CEL: variants seen among roughly 807,000 people sequenced by gnomAD.
CEL encodes the protein bile salt-activated lipase.
CEL carries 39 observed loss-of-function variants against 57.1 expected under a neutral mutation model. The observed-to-expected ratio is 0.68, with a 90% confidence interval of 0.53 to 0.89. The LOEUF is 0.89. Ranked by LOEUF, CEL falls within the 40% of genes least tolerant of loss-of-function variation. CEL has a pLI of 0.00. For missense variants in CEL, 698 were observed against 915.0 expected, an observed-to-expected ratio of 0.76 and a Z score of 3.06; for synonymous variants, 314 against 396.6, an observed-to-expected ratio of 0.79 and a Z score of 2.48.
Position 133,066,205 on chromosome 9 carries a change from A to G in CEL, c.539-325A>G, listed in dbSNP as rs1180753558. Among the ~76,000 whole-genome samples, 1 of 152,056 alleles carries G rather than the reference A, an allele frequency of 6.6e-6. No individual in the cohort carries two copies. The highest frequency in any genetic ancestry group is 1.5e-5 in the Non-Finnish European group (1 of 67,980). Reference sequence around the variant, plus strand: ...GCAGGAGAGGTGCATGGGCCTGACCATCCTGCCCCCGACAAACACCACCCC... The same window carrying G: ...GCAGGAGAGGTGCATGGGCCTGACCGTCCTGCCCCCGACAAACACCACCCC... On this transcript the variant is annotated intron_variant, in intron 4 of 10. Transcript: ENST00000372080. This position sits in a 1 kb window ranked among gnomAD's most constrained non-coding sequence, Gnocchi z 4.3.
At position 133,064,728 on chromosome 9, in the gene CEL, C is replaced by A; in HGVS notation, c.306C>A (p.Tyr102Ter). ...CCTACGGGGATGAAGACTGCCTGTA[C>A]CTCAACATTTGGGTGCCCCAGGGCA... ...DSTYGDEDCL[Y>*]LNIWVPQGRK... The change falls in exon 3 of 11, where the codon TAC (tyrosine) becomes TAA (stop). Residue 102 changes from tyrosine (Y) to a stop codon, truncating the protein, a stop_gained. Transcript: ENST00000372080. LOFTEE classifies it high-confidence loss of function. The A allele has an allele frequency of 1.2e-6, 2 of 1,614,086 alleles. No individual in the cohort carries two copies. Among genetic ancestry groups the A allele is most frequent in the Non-Finnish European group, 1.7e-6 (2 of 1,180,018 alleles).
At position 133,066,971 on chromosome 9, in the gene CEL, C is replaced by CGGGGTGGGGGGGGG; in HGVS notation, c.777+36_777+37insGGGGGGGGTGGGGG. The CGGGGTGGGGGGGGG allele has an allele frequency of 1.6e-5, 9 of 571,428 alleles. No homozygotes were observed. The highest frequency in any genetic ancestry group is 2.1e-5 in the Non-Finnish European group (7 of 330,490). The allele number at this position is 571,428 out of a possible 1,614,324, so 35.4% of individuals were successfully genotyped here. Reference sequence around the variant, plus strand: ...GTAAACGGAGGAGGGCAGGGCTGGGCGGGGTGGGGGCTGTCCACATTTCCG... The same window carrying CGGGGTGGGGGGGGG: ...GTAAACGGAGGAGGGCAGGGCTGGGCGGGGTGGGGGGGGGGGGGTGGGGGCTGTCCACATTTCCG... On this transcript the variant is annotated intron_variant, in intron 6 of 10. Transcript: ENST00000372080. The surrounding 1 kb of genome is among the most constrained non-coding windows in gnomAD (Gnocchi z 4.3).
At position 133,065,190 on chromosome 9, in the gene CEL, G is replaced by A. The variant is rs778299790; in HGVS notation, c.491G>A (p.Arg164His). 6 of 1,613,716 alleles carry A rather than the reference G, an allele frequency of 3.7e-6. No individual in the cohort carries two copies. The highest frequency in any genetic ancestry group is 2.2e-5 in the East Asian group (1 of 44,900). Residue 164 changes from arginine (R) to histidine (H), a missense_variant, in exon 4 of 11, where the codon CGT (arginine) becomes CAT (histidine). This residue lies in a region of CEL where 327 missense variants were observed against 374.1 expected (regional missense o/e 0.87). Transcript: ENST00000372080. ...GNVIVVTFNY[R>H]VGPLGFLSTG... ...GTCATCGTGGTCACCTTCAACTACCGTGTCGGCCCCCTTGGGTTCCTCAGC... is the reference window on the plus strand; with the variant it reads ...GTCATCGTGGTCACCTTCAACTACCATGTCGGCCCCCTTGGGTTCCTCAGC...
chr9:133,065,394 G>A (rs73662425), intron 4 of CEL, among the ~76,000 whole-genome samples, 157 bp downstream of exon 4: 32 of 152,320 alleles, frequency 2.1e-4, no homozygotes, highest in African/African-American at 7.0e-4. Flanking sequence ...GCCCTTGGTA[G>A]CTGTAGTAAA....
rs1830258845 is a variant in CEL, at chr9:133,071,204, GCCACTCCCGT to G, written c.1703_1712del (p.Ala568GlyfsTer133). 1.4e-5 allele frequency: 22 copies of G among 1,602,216 alleles called. No homozygotes were observed. Among genetic ancestry groups the G allele is most frequent in the Non-Finnish European group, 1.8e-5 (21 of 1,177,400 alleles). On this transcript the variant is annotated frameshift_variant, in exon 11 of 11. Transcript: ENST00000372080. LOFTEE classifies it high-confidence loss of function. ...TGTGCCCCCCACAGGGGACTCCGAG[GCCACTCCCGT>G]GCCCCCCACGGGTGACTCCGAGACC...
At chr9:133,064,944 T>C (rs1830151468) in intron 3 of CEL, 96 bp from the exon 4 acceptor site, 2 of 1,563,430 alleles carry the variant, frequency 1.3e-6, no homozygotes, top group Admixed American at 1.7e-5. Flanking sequence ...CACCTCCCTG[T>C]CTTGGCCCCA....
rs1172885908 is a variant in CEL, at chr9:133,065,870, T to A, written c.538+633T>A. ...TCAAAAAAAAAAAAAAAAAAAAAAA[T>A]AGCCAGGCGTGGTATCTCATGCCTC... is the stretch of plus-strand genomic sequence containing the variant. On this transcript the variant is annotated intron_variant, in intron 4 of 10. Transcript: ENST00000372080. 6.6e-3 allele frequency among the ~76,000 whole-genome samples: 611 copies of A among 92,422 alleles called. 5 individuals are homozygous for A. The highest frequency in any genetic ancestry group is 0.017 in the African/African-American group (439 of 25,748). 60.6% of individuals were successfully genotyped at this position (92,422 alleles called of 152,430 possible).
intron 1 of CEL, among the ~76,000 whole-genome samples, chr9:133,064,074 C>A (rs1168291770): frequency 6.6e-6 from 1 of 152,210 alleles, no homozygotes; most frequent in African/African-American, 2.4e-5. Flanking sequence ...CATGGGGAAA[C>A]TGAGGATCGG....
chr9:133,067,245 G>A (rs1300319996), intron 7 of CEL, 40 bp downstream of exon 7: 15 of 1,543,564 alleles, frequency 9.7e-6, no homozygotes, highest in Non-Finnish European at 1.3e-5. Flanking sequence ...GTCTCGAGGT[G>A]GGGGTTGAGG....
At chr9:133,065,316 A>G in intron 4 of CEL, 79 bp downstream of exon 4, 1 of 1,495,370 alleles carries the variant, frequency 6.7e-7, no homozygotes, top group Non-Finnish European at 9.2e-7. Context: ...AGCACCCCTC[A>G]CCCCAAACAA....
At chr9:133,068,482 G>A (rs991134640) in intron 7 of CEL, among the ~76,000 whole-genome samples, 190 bp from the exon 8 acceptor site, 2 of 151,544 alleles carry the variant, frequency 1.3e-5, no homozygotes, top group African/African-American at 2.4e-5. Flanking sequence ...CTCGTGGGTC[G>A]AGGCCGGGGA....
chr9:133,064,813 C>G (rs547978044), intron 3 of CEL, 51 bp downstream of exon 3: 3 of 1,612,282 alleles, frequency 1.9e-6, no homozygotes, highest in Admixed American at 3.3e-5. Flanking sequence ...GCCACTGCCC[C>G]GGGTCTACTC....
intron 7 of CEL, among the ~76,000 whole-genome samples, chr9:133,067,435 A>G (rs1830198877): frequency 6.6e-6 from 1 of 151,974 alleles, no homozygotes; most frequent in African/African-American, 2.4e-5. Context: ...GTGCAGTGTC[A>G]CGATCTCAGC....
Position 133,068,810 on chromosome 9 carries a change from C to T in CEL, c.1034C>T (p.Ala345Val). 6.4e-7 allele frequency: 1 copy of T among 1,555,238 alleles called. No individual in the cohort carries two copies. Residue 345 changes from alanine (A) to valine (V), a missense_variant, in exon 8 of 11, where the codon GCC (alanine) becomes GTC (valine). Physicochemically the swap from Ala to Val is moderately conservative, Grantham distance 64. Around this residue, in one of 6 missense-constraint regions of CEL, gnomAD observed 18 missense variants for 81.4 expected, o/e 0.22. Transcript: ENST00000372080. ...AACAACATGGACGGCCACATCTTCG[C>T]CAGCATCGACATGCCTGCCATCAAC... ...GTNNMDGHIFASIDMPAINKG... is the reference protein window; with the variant it reads ...GTNNMDGHIFVSIDMPAINKG...
intron 2 of CEL, 35 bp from the exon 3 acceptor site, chr9:133,064,605 G>C (rs765945288): frequency 6.2e-7 from 1 of 1,613,772 alleles, no homozygotes; most frequent in Admixed American, 1.7e-5. Context: ...GGTGAGGGCG[G>C]CTGCCTTCCT....
rs570015280 is a variant in CEL at position 133,066,742 on chromosome 9, G to T, written c.669+82G>T. 1 of 1,606,964 alleles carries T rather than the reference G, an allele frequency of 6.2e-7. No homozygotes were observed. The highest frequency in any genetic ancestry group is 1.3e-5 in the African/African-American group (1 of 74,854). On this transcript the variant is annotated intron_variant, in intron 5 of 10. Transcript: ENST00000372080. This position sits in a 1 kb window ranked among gnomAD's most constrained non-coding sequence, Gnocchi z 4.3. ...GGAAGGGGAGGGTGGGAGGAGGAGC[G>T]TGGAGCTGGGGCTGTGGTGCTGGGG...
At chr9:133,067,532 C>G (rs1445937686) in intron 7 of CEL, among the ~76,000 whole-genome samples, 1 of 152,130 alleles carries the variant, frequency 6.6e-6, no homozygotes, top group Non-Finnish European at 1.5e-5. Context: ...GCCACCATGC[C>G]CAGATAATTT....
Position 133,066,818 on chromosome 9 carries a change from G to A in CEL, c.670-20G>A, listed in dbSNP as rs760031366. The A allele has an allele frequency of 5.0e-6, 8 of 1,609,816 alleles. No homozygotes were observed. Among genetic ancestry groups the A allele is most frequent in the Admixed American group, 1.7e-5 (1 of 59,434 alleles). Reference sequence around the variant, plus strand: ...CAGAGTGGGGAGCGGCCTTGGTGACGGGATTTCTGGGTCCCGTAGACCCTC... The same window carrying A: ...CAGAGTGGGGAGCGGCCTTGGTGACAGGATTTCTGGGTCCCGTAGACCCTC... On this transcript the variant is annotated intron_variant, in intron 5 of 10. Transcript: ENST00000372080. This position sits in a 1 kb window ranked among gnomAD's most constrained non-coding sequence, Gnocchi z 4.3.
intron 7 of CEL, among the ~76,000 whole-genome samples, chr9:133,068,393 GACTCTCAGCC>G (rs1830213981): frequency 6.6e-6 from 1 of 152,170 alleles, no homozygotes; most frequent in Admixed American, 6.5e-5. Flanking sequence ...CCTAGACAGT[GACTCTCAGCC>G]TGGGGACGTG....
Sources: gnomAD v4.1 joint callset for allele counts (sites outside exome capture counted in the v4.1 genomes callset) on GRCh38, gnomAD v4.1.1 for gene constraint, gnomAD v4.1.1 regional missense constraint, Gnocchi (gnomAD v3.1) non-coding constraint, MANE v1.5 for transcripts, NCBI Gene and HGNC (gene_info 2026-07-23, HGNC 2026-07-21) for gene names.